ATP9A: variants seen among roughly 807,000 people sequenced by gnomAD.
ATP9A encodes the protein probable phospholipid-transporting ATPase IIA.
ATP9A carries 52 observed loss-of-function variants against 144.1 expected under a neutral mutation model. The observed-to-expected ratio is 0.36, with a 90% CI of 0.29 to 0.45. The LOEUF is 0.45. ATP9A is among the 20% of genes least tolerant of loss of function. The pLI is 1.00. For missense variants in ATP9A, 947 were observed against 1,392.7 expected, an observed-to-expected ratio of 0.68 and a Z score of 5.09; for synonymous variants, 582 against 557.4, an observed-to-expected ratio of 1.04 and a Z score of -0.62.
At chr20:51,655,390 G>A (rs1191223134) in intron 14 of ATP9A, among the ~76,000 whole-genome samples, 1 of 152,176 alleles carries the variant, frequency 6.6e-6, no homozygotes, top group Admixed American at 6.5e-5. Flanking sequence ...ACTCCAACCT[G>A]AGTGACAGAG....
intron 1 of ATP9A, among the ~76,000 whole-genome samples, chr20:51,767,626 T>G (rs964316981): frequency 6.6e-6 from 1 of 152,176 alleles, no homozygotes; most frequent in Non-Finnish European, 1.5e-5. Flanking sequence ...TGGCAGCCCC[T>G]GTCCCAGCCG....
intron 1 of ATP9A, 67 bp from the exon 2 acceptor site, chr20:51,730,045 C>T: frequency 7.2e-7 from 1 of 1,379,384 alleles, no homozygotes; most frequent in Non-Finnish European, 9.4e-7. Flanking sequence ...TGTCTGCCCA[C>T]TCTTCGCAGA....
chr20:51,694,047 C>T lies in ATP9A; in HGVS notation c.603G>A (p.Arg201=), dbSNP rs2077560075. The change falls in exon 7 of 28, where the codon CGG becomes CGA. Residue 201 remains arginine (R), a synonymous_variant. Coordinates refer to ENST00000338821, the MANE Select transcript of ATP9A (RefSeq NM_006045.3). ...QLDGETDWKL[R]LPVACTQRLP... is the part of the protein sequence containing the mutation. Reference sequence around the variant, plus strand: ...GCCTCTGCGTGCAGGCCACGGGAAGCCGCAGCTTCCAGTCCGTCTCCCCAT... The same window carrying T: ...GCCTCTGCGTGCAGGCCACGGGAAGTCGCAGCTTCCAGTCCGTCTCCCCAT... 6.2e-7 allele frequency: 1 copy of T among 1,613,956 alleles called. No individual in the cohort carries two copies. Among genetic ancestry groups the T allele is most frequent in the Non-Finnish European group, 8.5e-7 (1 of 1,180,006 alleles).
At chr20:51,764,078 C>T (rs1328234659) in intron 1 of ATP9A, among the ~76,000 whole-genome samples, 1 of 152,184 alleles carries the variant, frequency 6.6e-6, no homozygotes, top group African/African-American at 2.4e-5. Flanking sequence ...ACACCTAAGG[C>T]ATACTGAGCA....
At chr20:51,613,960 T>G in intron 22 of ATP9A, 128 bp from the exon 23 acceptor site, 1 of 989,850 alleles carries the variant, frequency 1.0e-6, no homozygotes, top group Non-Finnish European at 1.5e-6. Context: ...TTCTTTGGTT[T>G]CAAGCTATAT....
intron 14 of ATP9A, among the ~76,000 whole-genome samples, chr20:51,642,099 TC>T (rs1399440853): frequency 6.6e-6 from 1 of 152,150 alleles, no homozygotes; most frequent in Non-Finnish European, 1.5e-5. Flanking sequence ...CCTCCTGTAT[TC>T]CTTTCCTGTT....
At chr20:51,753,184 G>A (rs551913248) in intron 1 of ATP9A, among the ~76,000 whole-genome samples, 2 of 152,218 alleles carry the variant, frequency 1.3e-5, no homozygotes, top group South Asian at 4.1e-4. Context: ...CAACTTGTGA[G>A]ACTATAAGGC....
chr20:51,767,577 T>C (rs1394556566), intron 1 of ATP9A, among the ~76,000 whole-genome samples: 2 of 152,228 alleles, frequency 1.3e-5, no homozygotes, highest in East Asian at 1.9e-4. Flanking sequence ...GCGCCTAAGC[T>C]GCCCTCGGGG....
intron 14 of ATP9A, among the ~76,000 whole-genome samples, chr20:51,650,343 G>A (rs6126280): frequency 0.17 from 26,016 of 152,072 alleles, 2,504 homozygotes; most frequent in South Asian, 0.36. Context: ...AGACCAGCCT[G>A]GCCAATATGG....
intron 4 of ATP9A, among the ~76,000 whole-genome samples, chr20:51,699,808 A>G (rs1025501057): frequency 6.6e-6 from 1 of 151,898 alleles, no homozygotes; most frequent in Non-Finnish European, 1.5e-5. Flanking sequence ...AAGACTGGCT[A>G]ATTTTTGTAG....
At chr20:51,739,852 C>A (rs1389039554) in intron 1 of ATP9A, among the ~76,000 whole-genome samples, 2 of 152,106 alleles carry the variant, frequency 1.3e-5, no homozygotes, top group African/African-American at 4.8e-5. Context: ...AGAAAACATG[C>A]CTGGGCAGGG....
rs757388993 is a variant in ATP9A, at chr20:51,656,967, G to A, written c.1477C>T (p.Arg493Cys). 3.1e-6 allele frequency: 5 copies of A among 1,613,962 alleles called. No homozygotes were observed. The highest frequency in any genetic ancestry group is 1.7e-5 in the Admixed American group (1 of 59,978). The change falls in exon 14 of 28, where the codon CGC becomes TGC. Residue 493 changes from arginine to cysteine, a missense_variant. Arg to Cys is a radical substitution (Grantham distance 180). Around this residue, in one of 2 missense-constraint regions of ATP9A, gnomAD observed 770 missense variants for 1,047.9 expected, o/e 0.73. Coordinates refer to ENST00000338821, the MANE Select transcript of ATP9A (RefSeq NM_006045.3). ...TCGGGGCTGGATGCCTGGTATACGC[G>A]GCAGGAGTCTTCGTACTGCTTCTCG... The part of the protein sequence containing the change: ...EAEKQYEDSC[R>C]VYQASSPDEV...
intron 1 of ATP9A, among the ~76,000 whole-genome samples, chr20:51,761,435 G>A (rs548421694): frequency 6.6e-6 from 1 of 152,242 alleles, no homozygotes; most frequent in Non-Finnish European, 1.5e-5. Context: ...ACACATCGGT[G>A]TGTGACAGCT....
intron 4 of ATP9A, among the ~76,000 whole-genome samples, chr20:51,701,398 G>T (rs902718321): frequency 1.3e-5 from 2 of 152,024 alleles, no homozygotes; most frequent in Non-Finnish European, 2.9e-5. Context: ...TTCCTAAGAA[G>T]AAAAAAATAA....
At chr20:51,743,136 T>C (rs144546442) in intron 1 of ATP9A, among the ~76,000 whole-genome samples, 1 of 152,272 alleles carries the variant, frequency 6.6e-6, no homozygotes, top group Non-Finnish European at 1.5e-5. Context: ...AGTGGATTTA[T>C]ACATGCAGTT....
rs60505207 is a variant in ATP9A, at chr20:51,682,577, C to CTT, written c.800-6371_800-6370dup. Among the ~76,000 whole-genome samples the CTT allele has an allele frequency of 9.1e-4, 32 of 35,082 alleles. 2 individuals carry two copies. The highest frequency in any genetic ancestry group is 1.7e-3 in the Admixed American group (4 of 2,336). The allele number at this position is 35,082 out of a possible 152,430, so 23.0% of individuals were successfully genotyped here. A position where few individuals can be genotyped will look rare whatever the true frequency, so the allele number is the denominator to read the frequency against. On this transcript the variant is annotated intron_variant, in intron 9 of 27. Transcript: ENST00000338821. ...TAAAGTGTGTTGCTTTTCACTGTATCTTTTTTTTTTTTTTTTTTTTTTTTT... is the reference window on the plus strand; with the variant it reads ...TAAAGTGTGTTGCTTTTCACTGTATCTTTTTTTTTTTTTTTTTTTTTTTTTTT...
At chr20:51,764,112 G>A (rs546462996) in intron 1 of ATP9A, among the ~76,000 whole-genome samples, 1 of 152,192 alleles carries the variant, frequency 6.6e-6, no homozygotes, top group East Asian at 1.9e-4. Context: ...ACTTTACATG[G>A]ACTAAAAAAC....
At chr20:51,622,345 G>C (rs889484525) in intron 18 of ATP9A, among the ~76,000 whole-genome samples, 173 bp from the exon 19 acceptor site, 4 of 152,196 alleles carry the variant, frequency 2.6e-5, no homozygotes, top group African/African-American at 9.7e-5. Context: ...GAAGGGCTCT[G>C]GGACTCCAAG....
chr20:51,678,811 G>A (rs973700167), intron 9 of ATP9A, among the ~76,000 whole-genome samples: 1 of 152,204 alleles, frequency 6.6e-6, no homozygotes, highest in Non-Finnish European at 1.5e-5. Context: ...TAACCTCGAT[G>A]CCATCAAATG....
Sources: gnomAD v4.1 joint callset for allele counts (sites outside exome capture counted in the v4.1 genomes callset) on GRCh38, gnomAD v4.1.1 for gene constraint, gnomAD v4.1.1 regional missense constraint, MANE v1.5 for transcripts, NCBI Gene and HGNC (gene_info 2026-07-23, HGNC 2026-07-21) for gene names.